The following ATAT1 variants were observed in gnomAD, a reference collection of about 807,000 sequenced individuals.
ATAT1 encodes alpha tubulin acetyltransferase 1.
In ATAT1, 42 loss-of-function variants were observed where a neutral mutation model predicts 57.2. The ratio of observed to expected loss-of-function variants is 0.73; its 90% CI spans 0.57 to 0.95. The LOEUF (loss-of-function observed/expected upper bound fraction) is 0.95. ATAT1 is among the 40% of genes least tolerant of loss of function. ATAT1 has a pLI of 0.00. For synonymous variants in ATAT1, 168 were observed against 187.1 expected (o/e 0.90, Z 0.83); for missense variants, 454 against 523.7 (o/e 0.87, Z 1.30).
rs1016950611 is a variant in ATAT1, at chr6:30,627,727, C to G, written c.224C>G (p.Pro75Arg). The change falls in exon 3 of 13, where the codon CCG becomes CGG. Residue 75 changes from proline to arginine, a missense_variant and splice_region_variant. Physicochemically the swap from Pro to Arg is moderately radical, Grantham distance 103 (BLOSUM62 -2). Around this residue, in one of 3 missense-constraint regions of ATAT1, gnomAD observed 236 missense variants for 284.5 expected, o/e 0.83. Coordinates refer to ENST00000330083, the MANE Select transcript of ATAT1 (RefSeq NM_001031722.4). ...ATTCTCAAAGACAGTTCAGCCCGAC[C>G]GTGAGTGCCACATGCTCTTCCATCC... 1.2e-6 allele frequency: 2 copies of G among 1,612,104 alleles called. No homozygotes were observed. Among genetic ancestry groups the G allele is most frequent in the Non-Finnish European group, 1.7e-6 (2 of 1,179,142 alleles).
Position 30,643,599 on chromosome 6 carries a change from G to C in ATAT1, c.932+588G>C. ...TCCCTGCCCTGGGAGACCTGGGGTG[G>C]GCAGGGAACCCCTCCCTGAGAACCT... On this transcript the variant is annotated intron_variant, in intron 10 of 12. Transcript: ENST00000330083. The C allele has an allele frequency of 1.9e-6, 3 of 1,550,528 alleles. No individual in the cohort carries two copies. The South Asian group carries it at 3.6e-5, about 18-fold the overall frequency.
rs891279750 is a variant in ATAT1, at chr6:30,642,350, C to T, written c.688+103C>T. 5.3e-6 allele frequency: 8 copies of T among 1,516,326 alleles called. No homozygotes were observed. The East Asian group carries it at 6.9e-5, about 13-fold the overall frequency. The allele number at this position is 1,516,326 out of a possible 1,614,324, so 93.9% of individuals were successfully genotyped here. ...AAAGGATTCGTTCTCTCTAAAGACT[C>T]AGATTTCTTGGGCTGGGCATGGTGG... On this transcript the variant is annotated intron_variant, in intron 9 of 12. Transcript: ENST00000330083.
In ATAT1 at chr6:30,640,436, T is replaced by C. The variant is rs761487888; in HGVS notation, c.547+14T>C. On this transcript the variant is annotated intron_variant, in intron 7 of 12. Coordinates refer to ENST00000330083, the MANE Select transcript of ATAT1 (RefSeq NM_001031722.4). Reference sequence around the variant, plus strand: ...CCCATCAACATCGTAAGTTTTTGCATTTTGTTGGTCACGTAGTCGGGGTGA... The same window carrying C: ...CCCATCAACATCGTAAGTTTTTGCACTTTGTTGGTCACGTAGTCGGGGTGA... The C allele has an allele frequency of 1.2e-6, 2 of 1,613,040 alleles. No individual in the cohort carries two copies. Among genetic ancestry groups the C allele is most frequent in the South Asian group, 1.1e-5 (1 of 91,086 alleles).
At chr6:30,646,227 C>A in intron 12 of ATAT1, 118 bp downstream of exon 12, 1 of 1,487,900 alleles carries the variant, frequency 6.7e-7, no homozygotes, top group Non-Finnish European at 9.0e-7. Context: ...ACCAGCTCCT[C>A]CCACAATTCC....
intron 8 of ATAT1, among the ~76,000 whole-genome samples, chr6:30,641,479 G>T (rs550607794): frequency 6.6e-6 from 1 of 152,272 alleles, no homozygotes; most frequent in Non-Finnish European, 1.5e-5. Context: ...AAGCTTAAGT[G>T]AATTTGCTGA....
intron 9 of ATAT1, 107 bp from the exon 10 acceptor site, chr6:30,642,661 A>G: frequency 1.2e-6 from 1 of 806,888 alleles, no homozygotes; most frequent in Non-Finnish European, 2.0e-6. Flanking sequence ...AAAAAAAAAA[A>G]AAGAAAGACT....
chr6:30,636,593 AT>A (rs1179434101), intron 6 of ATAT1, among the ~76,000 whole-genome samples: 1 of 151,952 alleles, frequency 6.6e-6, no homozygotes, highest in Non-Finnish European at 1.5e-5. Context: ...CTCAAAAAAA[AT>A]AAATAAATAA....
intron 1 of ATAT1, 157 bp from the exon 2 acceptor site, chr6:30,627,303 G>C (rs371727820): frequency 6.2e-7 from 1 of 1,613,616 alleles, no homozygotes; most frequent in Non-Finnish European, 8.5e-7. Flanking sequence ...TTTCAGAAGG[G>C]TGGGGTGGGA....
At chr6:30,633,589 T>G (rs551630651) in intron 6 of ATAT1, 1 of 180,476 alleles carries the variant, frequency 5.5e-6, no homozygotes, top group East Asian at 1.7e-4. Flanking sequence ...AAACTCTCAC[T>G]TTCTTCTTAA....
intron 8 of ATAT1, 148 bp from the exon 9 acceptor site, chr6:30,642,028 G>A (rs1765556172): frequency 6.6e-7 from 1 of 1,524,900 alleles, no homozygotes; most frequent in Non-Finnish European, 8.8e-7. Flanking sequence ...TGGTGTGCTG[G>A]CATTGCCATG....
chr6:30,635,601 A>G (rs1307655381), intron 6 of ATAT1, among the ~76,000 whole-genome samples: 6 of 152,038 alleles, frequency 3.9e-5, no homozygotes, highest in African/African-American at 1.4e-4. Flanking sequence ...AAAAAAAAAA[A>G]AAGAAAAGAA....
intron 6 of ATAT1, among the ~76,000 whole-genome samples, chr6:30,639,383 G>GA (rs748418264): frequency 5.9e-5 from 9 of 151,948 alleles, no homozygotes; most frequent in Non-Finnish European, 1.2e-4. Context: ...TTTTTGTTCT[G>GA]AGAGTTTTTC....
intron 8 of ATAT1, chr6:30,641,845 G>A (rs1322433804): frequency 7.1e-6 from 8 of 1,124,128 alleles, no homozygotes; most frequent in Non-Finnish European, 7.7e-6. Context: ...CAGAATACCA[G>A]GGGGCCATGA....
Position 30,640,618 on chromosome 6 carries a change from G to A in ATAT1, c.616+15G>A. The A allele has an allele frequency of 6.2e-7, 1 of 1,612,058 alleles. No homozygotes were observed. The highest frequency in any genetic ancestry group is 8.5e-7 in the Non-Finnish European group (1 of 1,179,416). ...CACGCCCGCTGGTAAAGCCTGTATTGAAGGGGTGGAACTGTAGTGCAGTGA... is the reference window on the plus strand; with the variant it reads ...CACGCCCGCTGGTAAAGCCTGTATTAAAGGGGTGGAACTGTAGTGCAGTGA... On this transcript the variant is annotated intron_variant, in intron 8 of 12. Coordinates refer to ENST00000330083, the MANE Select transcript of ATAT1 (RefSeq NM_001031722.4).
At chr6:30,643,845 T>A (rs1046638687) in intron 10 of ATAT1, 16 of 1,316,364 alleles carry the variant, frequency 1.2e-5, no homozygotes, top group Non-Finnish European at 5.8e-6. Flanking sequence ...CTTGGTTAGA[T>A]GGCTCATACA....
At position 30,642,799 on chromosome 6, in the gene ATAT1, C is replaced by G. The variant is rs757158197; in HGVS notation, c.720C>G (p.Pro240=). 9.3e-6 allele frequency: 15 copies of G among 1,612,284 alleles called. No individual in the cohort carries two copies. Among genetic ancestry groups the G allele is most frequent in the Admixed American group, 3.3e-5 (2 of 59,990 alleles). The change falls in exon 10 of 13, where the codon CCC becomes CCG. Residue 240 remains proline, a synonymous_variant. Coordinates refer to ENST00000330083, the MANE Select transcript of ATAT1 (RefSeq NM_001031722.4). ...AGGTAGCTGTGGAGCCTCCTTGGCCCCTAAACAGGGCCCCTCGCCGCGCCA... is the reference window on the plus strand; with the variant it reads ...AGGTAGCTGTGGAGCCTCCTTGGCCGCTAAACAGGGCCCCTCGCCGCGCCA...
intron 6 of ATAT1, among the ~76,000 whole-genome samples, chr6:30,636,937 G>T (rs1338995707): frequency 6.6e-6 from 1 of 151,854 alleles, no homozygotes; most frequent in Non-Finnish European, 1.5e-5. Flanking sequence ...TCAGCCTCCT[G>T]AGTAGCTGGG....
chr6:30,642,833 G>GGGGCGCCCCCCCCCCCCCCCCCCCCCC lies in ATAT1; in HGVS notation c.754_755insGGGCGCCCCCCCCCCCCCCCCCCCCCC (p.Ala252delinsGlyAlaProProProProProProProPro). 6.5e-7 allele frequency: 1 copy of GGGGCGCCCCCCCCCCCCCCCCCCCCCC among 1,537,876 alleles called. No homozygotes were observed. Among genetic ancestry groups the GGGGCGCCCCCCCCCCCCCCCCCCCCCC allele is most frequent in the East Asian group, 2.4e-5 (1 of 42,458 alleles). Reference sequence around the variant, plus strand: ...GGCCCCTCGCCGCGCCACACCTCCAGCCCACCCACCCCCCCGCTCCAGCAG... The same window carrying GGGGCGCCCCCCCCCCCCCCCCCCCCCC: ...GGCCCCTCGCCGCGCCACACCTCCAGGGGCGCCCCCCCCCCCCCCCCCCCCCCCCCACCCACCCCCCCGCTCCAGCAG... On this transcript the variant is annotated protein_altering_variant, in exon 10 of 13. Coordinates refer to ENST00000330083, the MANE Select transcript of ATAT1 (RefSeq NM_001031722.4).
intron 8 of ATAT1, among the ~76,000 whole-genome samples, chr6:30,641,400 C>T (rs765888306): frequency 6.6e-5 from 10 of 152,184 alleles, no homozygotes; most frequent in Non-Finnish European, 1.3e-4. Context: ...GAACCACAGG[C>T]TGTGAGAGGG....
Sources: gnomAD v4.1 joint callset for allele counts (sites outside exome capture counted in the v4.1 genomes callset) on GRCh38, gnomAD v4.1.1 for gene constraint, gnomAD v4.1.1 regional missense constraint, MANE v1.5 for transcripts, NCBI Gene and HGNC (gene_info 2026-07-23, HGNC 2026-07-21) for gene names.